Variants in MEGF6 observed in about 807,000 individuals in gnomAD.
The protein encoded by MEGF6 is multiple epidermal growth factor-like domains protein 6.
Under a neutral mutation model 207.1 loss-of-function variants are expected in MEGF6, and 184 were observed. The ratio of observed to expected loss-of-function variants is 0.89; its 90% CI spans 0.79 to 1.00. The LOEUF is 1.00. Ranked by LOEUF, MEGF6 falls within the 50% of genes least tolerant of loss-of-function variation. The probability of loss-of-function intolerance (pLI) is 0.00; values close to 1 mark genes in which losing one functional copy is unlikely to be tolerated. For synonymous variants in MEGF6, 1,038 were observed against 910.0 expected (o/e 1.14, Z -2.53); for missense variants, 2,282 against 2,202.9 (o/e 1.04, Z -0.72).
At chr1:3,508,113 C>T (rs891804333) in intron 13 of MEGF6, among the ~76,000 whole-genome samples, 190 bp from the exon 14 acceptor site, 10 of 152,144 alleles carry the variant, frequency 6.6e-5, no homozygotes, top group African/African-American at 2.4e-4. Context: ...TCTCTGAACA[C>T]CAGCAGAGAG....
intron 4 of MEGF6, among the ~76,000 whole-genome samples, chr1:3,579,536 G>C (rs1228912905): frequency 1.3e-5 from 2 of 152,226 alleles, no homozygotes; most frequent in Non-Finnish European, 2.9e-5. Flanking sequence ...TAGGGGGCCA[G>C]CGTCCCCATT....
intron 1 of MEGF6, among the ~76,000 whole-genome samples, chr1:3,605,154 A>ACATACACCCTTACTCATACT (rs1644224774): frequency 6.8e-6 from 1 of 147,440 alleles, no homozygotes; most frequent in Admixed American, 6.8e-5. Flanking sequence ...TCACACACTC[A>ACATACACCCTTACTCATACT]CAGTCACATA....
intron 4 of MEGF6, among the ~76,000 whole-genome samples, chr1:3,552,635 C>T (rs1417455320): frequency 1.3e-5 from 2 of 152,208 alleles, no homozygotes; most frequent in African/African-American, 2.4e-5. Context: ...GAGTTCAAGG[C>T]TGCAGTACGG....
chr1:3,551,350 G>A (rs1007596374), intron 4 of MEGF6, among the ~76,000 whole-genome samples: 1 of 152,194 alleles, frequency 6.6e-6, no homozygotes, highest in African/African-American at 2.4e-5. Flanking sequence ...AGGACCTAAG[G>A]GGCCAAAGGG....
intron 3 of MEGF6, among the ~76,000 whole-genome samples, chr1:3,592,540 G>C (rs535831795): frequency 1.3e-5 from 2 of 152,268 alleles, no homozygotes; most frequent in African/African-American, 4.8e-5. Flanking sequence ...CCGCTGCCAG[G>C]GTCCCCGAAC....
intron 4 of MEGF6, among the ~76,000 whole-genome samples, chr1:3,542,735 G>A (rs953521228): frequency 2.0e-5 from 3 of 152,220 alleles, no homozygotes; most frequent in Admixed American, 1.3e-4. Flanking sequence ...GTTCAGAGTG[G>A]CAGAGCTACT....
At chr1:3,518,557 T>A (rs1641627740) in intron 5 of MEGF6, among the ~76,000 whole-genome samples, 1 of 152,246 alleles carries the variant, frequency 6.6e-6, no homozygotes, top group South Asian at 2.1e-4. Context: ...GCTCGTTGGC[T>A]GACTGGCGGG....
At chr1:3,526,555 C>T (rs565580261) in intron 4 of MEGF6, among the ~76,000 whole-genome samples, 61 of 152,250 alleles carry the variant, frequency 4.0e-4, no homozygotes, top group Admixed American at 1.6e-3. Context: ...CCCGCCACCA[C>T]GCTCGGCTAA....
At chr1:3,524,327 G>T in intron 4 of MEGF6, 81 bp from the exon 5 acceptor site, 2 of 1,555,664 alleles carry the variant, frequency 1.3e-6, no homozygotes, top group Non-Finnish European at 1.8e-6. Context: ...GGTGCCGGGG[G>T]CCCAGACCCA....
upstream of MEGF6, chr1:3,611,552 CCCCCAGCCCGG>C (rs1201063629): frequency 3.3e-6 from 1 of 304,752 alleles, no homozygotes; most frequent in Admixed American, 5.4e-5. Context: ...CCCCGGCCCG[CCCCCAGCCCGG>C]ACCCCAGTCC....
Position 3,500,490 on chromosome 1 carries a change from C to T in MEGF6, c.2707+143G>A, listed in dbSNP as rs1322836336. On this transcript the variant is annotated intron_variant, in intron 21 of 36. Coordinates refer to ENST00000356575, the MANE Select transcript of MEGF6 (RefSeq NM_001409.4). ...GCACGTTTTGGTGGGTGTGTGCGCG[C>T]ACAGGAGGGGGCGCGGCCAAAGGCT... 2.4e-6 allele frequency: 3 copies of T among 1,257,878 alleles called. No individual in the cohort carries two copies. In the African/African-American group the frequency reaches 4.5e-5, roughly 19 times the overall value. 77.9% of individuals were successfully genotyped at this position (1,257,878 alleles called of 1,614,324 possible).
At chr1:3,622,330 C>T in the MEGF6 span, among the ~76,000 whole-genome samples, 6 of 152,194 alleles carry the variant, frequency 3.9e-5, no homozygotes, top group African/African-American at 7.2e-5. Context: ...CCACTACCCC[C>T]GCCGCCATGT....
chr1:3,505,724 C>G (rs1427916959), intron 15 of MEGF6, among the ~76,000 whole-genome samples, 168 bp from the exon 16 acceptor site: 1 of 152,196 alleles, frequency 6.6e-6, no homozygotes, highest in Non-Finnish European at 1.5e-5. Flanking sequence ...TGTCTGAACC[C>G]CAGGGATGGG....
At position 3,497,259 on chromosome 1, in the gene MEGF6, C is replaced by A; in HGVS notation, c.3455G>T (p.Gly1152Val). The part of the protein sequence containing the change: ...HVTGACRCPP[G>V]FTGSGCEQAC... ...CTGCTCGCAGCCGGAGCCAGTGAAGCCAGGGGGACAGCGGCAGGCCCCAGT... is the reference window on the plus strand; with the variant it reads ...CTGCTCGCAGCCGGAGCCAGTGAAGACAGGGGGACAGCGGCAGGCCCCAGT... The change falls in exon 27 of 37, where the codon GGC (glycine) becomes GTC (valine). Residue 1152 changes from glycine to valine, a missense_variant. Transcript: ENST00000356575. The A allele has an allele frequency of 1.3e-6, 2 of 1,542,222 alleles. No individual in the cohort carries two copies. The highest frequency in any genetic ancestry group is 1.7e-6 in the Non-Finnish European group (2 of 1,147,144).
intron 2 of MEGF6, among the ~76,000 whole-genome samples, chr1:3,598,248 C>G (rs1315682579): frequency 2.0e-5 from 3 of 152,224 alleles, no homozygotes; most frequent in Non-Finnish European, 4.4e-5. Flanking sequence ...GCCGGGGCTG[C>G]TGCATGGGAA....
In MEGF6 at chr1:3,490,498, G is replaced by T; in HGVS notation, c.*30C>A. The T allele has an allele frequency of 6.2e-7, 1 of 1,611,206 alleles. No individual in the cohort carries two copies. ...GCCAGGGTCCCCTCTGGCTGGGACT[G>T]GAGAGGCGGGCTCCACGGGACTGCC... On this transcript the variant is annotated 3_prime_UTR_variant, in exon 37 of 37. Coordinates refer to ENST00000356575, the MANE Select transcript of MEGF6 (RefSeq NM_001409.4).
At position 3,556,317 on chromosome 1, in the gene MEGF6, A is replaced by G. The variant is rs1454374066; in HGVS notation, c.481+23508T>C. Reference sequence around the variant, plus strand: ...ATTAAACTCCATGATCTTGGCACAAAGACACCCCCATGAGCTCCCAGAGGT... The same window carrying G: ...ATTAAACTCCATGATCTTGGCACAAGGACACCCCCATGAGCTCCCAGAGGT... On this transcript the variant is annotated intron_variant, in intron 4 of 36. Coordinates refer to ENST00000356575, the MANE Select transcript of MEGF6 (RefSeq NM_001409.4). This position sits in a 1 kb window ranked among gnomAD's most constrained non-coding sequence, Gnocchi z 4.4. 6.6e-6 allele frequency among the ~76,000 whole-genome samples: 1 copy of G among 152,224 alleles called. No homozygotes were observed. Among genetic ancestry groups the G allele is most frequent in the African/African-American group, 2.4e-5 (1 of 41,456 alleles).
At chr1:3,619,019 T>C in the MEGF6 span, among the ~76,000 whole-genome samples, 1 of 152,170 alleles carries the variant, frequency 6.6e-6, no homozygotes, top group Non-Finnish European at 1.5e-5. Flanking sequence ...CCCACTGATT[T>C]TGTAAAATGC....
rs375076712 is a variant in MEGF6 at position 3,556,935 on chromosome 1, C to T, written c.481+22890G>A. ...CCTCAGCCGACCTGACCTAGGAAGC[C>T]GATCCCGGCTTATCTGGGGGGCCTG... On this transcript the variant is annotated intron_variant, in intron 4 of 36. Transcript: ENST00000356575. This position sits in a 1 kb window ranked among gnomAD's most constrained non-coding sequence, Gnocchi z 4.4. Among the ~76,000 whole-genome samples the T allele has an allele frequency of 1.3e-5, 2 of 152,170 alleles. No individual in the cohort carries two copies. Among genetic ancestry groups the T allele is most frequent in the South Asian group, 2.1e-4 (1 of 4,834 alleles).
Sources: allele counts gnomAD v4.1 joint callset (sites outside exome capture counted in the v4.1 genomes callset), GRCh38; gene constraint gnomAD v4.1.1; non-coding constraint Gnocchi (gnomAD v3.1); transcripts MANE v1.5; gene names NCBI Gene and HGNC (gene_info 2026-07-23, HGNC 2026-07-21).